DIP2A: variants seen among roughly 807,000 people sequenced by gnomAD.
DIP2A encodes disco-interacting protein 2 homolog A.
In DIP2A, 85 loss-of-function variants were observed where a neutral mutation model predicts 177.4. The observed-to-expected ratio is 0.48, with a 90% CI of 0.40 to 0.57. The LOEUF is 0.57. Ranked by LOEUF, DIP2A falls within the 20% of genes least tolerant of loss-of-function variation. The pLI, the probability that DIP2A is intolerant of heterozygous loss-of-function variation, is 0.00. For synonymous variants in DIP2A, 886 were observed against 881.8 expected, an observed-to-expected ratio of 1.00 and a Z score of -0.08; for missense variants, 1,791 against 2,100.2, an observed-to-expected ratio of 0.85 and a Z score of 2.88.
chr21:46,520,629 A>G (rs2058784148), intron 8 of DIP2A, among the ~76,000 whole-genome samples: 1 of 152,274 alleles, frequency 6.6e-6, no homozygotes, highest in Admixed American at 6.5e-5. Context: ...TATGGATGAC[A>G]GAATGCCTTA....
chr21:46,538,536 C>T lies in DIP2A; in HGVS notation c.1855C>T (p.Arg619Trp), dbSNP rs559334890. 1.0e-5 allele frequency: 16 copies of T among 1,562,262 alleles called. No homozygotes were observed. The South Asian group carries it at 1.3e-4, about 13-fold the overall frequency. Residue 619 changes from arginine to tryptophan, a missense_variant, in exon 16 of 38, where the codon CGG (arginine) becomes TGG (tryptophan). Arg to Trp is a moderately radical substitution (Grantham distance 101). Transcript: ENST00000417564. ...CATGCACTGGTCTCTCCTAGCTCAG[C>T]GGGGCCAGAGGGACGTCAGCCTCAG... The part of the protein sequence containing the change: ...RDMHWSLLAQ[R>W]GQRDVSLSSL...
chr21:46,541,079 G>A (rs1392097445), intron 17 of DIP2A, among the ~76,000 whole-genome samples: 4 of 149,490 alleles, frequency 2.7e-5, no homozygotes, highest in Admixed American at 6.7e-5. Flanking sequence ...CGCTATTGTC[G>A]TCTACAAACT....
At chr21:46,479,652 A>G (rs550110388) in intron 1 of DIP2A, among the ~76,000 whole-genome samples, 14 of 152,118 alleles carry the variant, frequency 9.2e-5, no homozygotes, top group Non-Finnish European at 1.9e-4. Context: ...CAGCCTCCCT[A>G]GTAGCTTAGG....
intron 1 of DIP2A, among the ~76,000 whole-genome samples, chr21:46,461,245 CAG>C (rs1475288834): frequency 8.6e-6 from 1 of 116,396 alleles, no homozygotes; most frequent in African/African-American, 3.5e-5. Flanking sequence ...GCCTGGGCAA[CAG>C]AGCGAGAACC....
intron 1 of DIP2A, among the ~76,000 whole-genome samples, chr21:46,464,845 C>CCCAA (rs2054669196): frequency 8.4e-5 from 1 of 11,910 alleles, no homozygotes; most frequent in African/African-American, 3.1e-4. Context: ...TTTTTTTTTT[C>CCCAA]AAGAAAACAC....
At chr21:46,552,538 C>T (rs1484955601) in intron 25 of DIP2A, among the ~76,000 whole-genome samples, 2 of 152,292 alleles carry the variant, frequency 1.3e-5, no homozygotes, top group East Asian at 3.9e-4. Flanking sequence ...CTGTCCCACG[C>T]ACCATACAAG....
chr21:46,531,121 C>T (rs912746233), intron 9 of DIP2A, among the ~76,000 whole-genome samples: 7 of 151,876 alleles, frequency 4.6e-5, no homozygotes, highest in Non-Finnish European at 8.8e-5. Flanking sequence ...GGCCCCAGGA[C>T]GATCACTGGC....
intron 26 of DIP2A, 104 bp from the exon 27 acceptor site, chr21:46,554,471 C>A: frequency 1.3e-6 from 2 of 1,541,312 alleles, no homozygotes; most frequent in Admixed American, 3.8e-5. Context: ...GTCACCCATG[C>A]CCCCCCAGCA....
At chr21:46,488,495 G>T (rs1385751302) in intron 2 of DIP2A, among the ~76,000 whole-genome samples, 1 of 152,194 alleles carries the variant, frequency 6.6e-6, no homozygotes, top group African/African-American at 2.4e-5. Flanking sequence ...CAGACAAGGA[G>T]TGAGGCTTCC....
At chr21:46,496,138 C>T (rs559850762) in intron 3 of DIP2A, among the ~76,000 whole-genome samples, 6 of 151,762 alleles carry the variant, frequency 4.0e-5, no homozygotes, top group Admixed American at 2.0e-4. Context: ...TGGCCTCAAA[C>T]GATCCTCCTG....
At chr21:46,529,245 T>C (rs1427119879) in intron 9 of DIP2A, 62 bp downstream of exon 9, 3 of 1,012,432 alleles carry the variant, frequency 3.0e-6, no homozygotes, top group South Asian at 3.1e-5. Flanking sequence ...ATAATCTGTT[T>C]CATTGAAATT....
intron 8 of DIP2A, among the ~76,000 whole-genome samples, chr21:46,514,913 T>C (rs2058502958): frequency 6.6e-6 from 1 of 152,202 alleles, no homozygotes; most frequent in African/African-American, 2.4e-5. Flanking sequence ...TCATATGATT[T>C]TCCTCCTTCA....
chr21:46,534,238 C>A lies in DIP2A; in HGVS notation c.1539+125C>A, dbSNP rs878857675. 5 of 743,444 alleles carry A rather than the reference C, an allele frequency of 6.7e-6. No homozygotes were observed. The South Asian group carries it at 7.0e-5, about 10-fold the overall frequency. The allele number at this position is 743,444 out of a possible 1,614,324, so 46.1% of individuals were successfully genotyped here. A position where few individuals can be genotyped will look rare whatever the true frequency, so the allele number is the denominator to read the frequency against. On this transcript the variant is annotated intron_variant, in intron 12 of 37. Coordinates refer to ENST00000417564, the MANE Select transcript of DIP2A (RefSeq NM_015151.4). ...TTCGGCCTAAGAGTTCTTGTTTTAT[C>A]TCTGCCCTGGAAATACAGAGTGTCA... is the stretch of plus-strand genomic sequence containing the variant.
chr21:46,538,848 G>A, intron 16 of DIP2A: 2 of 489,750 alleles, frequency 4.1e-6, no homozygotes, highest in South Asian at 2.5e-5. Flanking sequence ...GCCTTAATGA[G>A]AGTCATCTTT....
intron 1 of DIP2A, among the ~76,000 whole-genome samples, chr21:46,461,089 G>A (rs750065429): frequency 1.5e-4 from 22 of 151,458 alleles, no homozygotes; most frequent in African/African-American, 2.7e-4. Flanking sequence ...GCTTGGAGAC[G>A]GGAGTTCAGA....
intron 2 of DIP2A, 61 bp downstream of exon 2, chr21:46,484,889 T>A (rs2056586139): frequency 1.4e-6 from 2 of 1,446,266 alleles, no homozygotes; most frequent in Non-Finnish European, 1.8e-6. Context: ...ATGTGATTTT[T>A]AAATTGTTTT....
At chr21:46,536,579 G>C (rs2059582334) in intron 13 of DIP2A, among the ~76,000 whole-genome samples, 1 of 152,186 alleles carries the variant, frequency 6.6e-6, no homozygotes, top group African/African-American at 2.4e-5. Flanking sequence ...TTGATTCTGA[G>C]AAGAATACCC....
chr21:46,536,774 C>A (rs1601728685), intron 13 of DIP2A, among the ~76,000 whole-genome samples: 1 of 152,098 alleles, frequency 6.6e-6, no homozygotes, highest in African/African-American at 2.4e-5. Context: ...CATGGCAGCG[C>A]ATGCCTGTAG....
At chr21:46,496,960 TA>T (rs2057392300) in intron 3 of DIP2A, 27 bp from the exon 4 acceptor site, 27 of 1,578,626 alleles carry the variant, frequency 1.7e-5, no homozygotes, top group Non-Finnish European at 2.2e-5. Flanking sequence ...TTGTAAAAAG[TA>T]TTTTTACTGC....
Sources: allele counts gnomAD v4.1 joint callset (sites outside exome capture counted in the v4.1 genomes callset), GRCh38; gene constraint gnomAD v4.1.1; transcripts MANE v1.5; gene names NCBI Gene and HGNC (gene_info 2026-07-23, HGNC 2026-07-21).